Variants in KAT6B observed in about 807,000 individuals in gnomAD.
KAT6B encodes histone acetyltransferase KAT6B.
Under a neutral mutation model 187.5 loss-of-function variants are expected in KAT6B, and 10 were observed. That is an observed-to-expected ratio of 0.05 (90% CI 0.03 to 0.09). The LOEUF (loss-of-function observed/expected upper bound fraction) is 0.09, where lower values mean the gene tolerates loss of function less well. Ranked by LOEUF, KAT6B falls within the 10% of genes least tolerant of loss-of-function variation. The pLI, the probability that KAT6B is intolerant of heterozygous loss-of-function variation, is 1.00. For synonymous variants in KAT6B, 861 were observed against 926.8 expected (o/e 0.93, Z 1.29); for missense variants, 1,952 against 2,558.9 (o/e 0.76, Z 5.12).
chr10:74,857,464 T>C (rs571550950), intron 3 of KAT6B, among the ~76,000 whole-genome samples: 2 of 152,300 alleles, frequency 1.3e-5, no homozygotes, highest in Non-Finnish European at 2.9e-5. Flanking sequence ...TTTTCAGCTT[T>C]TAAAGGATGC....
intron 3 of KAT6B, among the ~76,000 whole-genome samples, chr10:74,924,999 AG>A (rs1211886400): frequency 6.6e-6 from 1 of 152,138 alleles, no homozygotes; most frequent in Non-Finnish European, 1.5e-5. Context: ...GGGGTGGTAG[AG>A]GAGACCTTTT....
intron 3 of KAT6B, among the ~76,000 whole-genome samples, chr10:74,917,564 G>A (rs1256265112): frequency 2.0e-5 from 3 of 152,186 alleles, no homozygotes; most frequent in Non-Finnish European, 4.4e-5. Context: ...AGGGAAGGGA[G>A]ATAAATGAAT....
chr10:74,913,882 A>G (rs892480387), intron 3 of KAT6B, among the ~76,000 whole-genome samples: 2 of 152,160 alleles, frequency 1.3e-5, no homozygotes, highest in African/African-American at 4.8e-5. Flanking sequence ...TTTCAAGCCT[A>G]GCATGAGCCT....
chr10:75,030,396 C>T lies in KAT6B; in HGVS notation c.5572C>T (p.Leu1858Phe). Residue 1858 changes from leucine (L) to phenylalanine (F), a missense_variant, in exon 18 of 18, where the codon CTT becomes TTT. By Grantham distance (22) the Leu-to-Phe change is conservative (BLOSUM62 0). This residue lies in a region of KAT6B where 358 missense variants were observed against 436.3 expected (regional missense o/e 0.82). Transcript: ENST00000287239. This position sits in a 1 kb window ranked among gnomAD's most constrained non-coding sequence, Gnocchi z 4.8. ...GTCCACACCATTAAGTAACACAGGGCTTGTTCAACTTTCTCAGTCTCCACA... is the reference window on the plus strand; with the variant it reads ...GTCCACACCATTAAGTAACACAGGGTTTGTTCAACTTTCTCAGTCTCCACA... ...SLSTPLSNTG[L>F]VQLSQSPHSV... 6.2e-7 allele frequency: 1 copy of T among 1,614,256 alleles called. No homozygotes were observed. Among genetic ancestry groups the T allele is most frequent in the Admixed American group, 1.7e-5 (1 of 60,032 alleles).
At chr10:74,880,439 C>T (rs1221291488) in intron 3 of KAT6B, among the ~76,000 whole-genome samples, 1 of 152,132 alleles carries the variant, frequency 6.6e-6, no homozygotes, top group East Asian at 1.9e-4. Context: ...AATAATAGTT[C>T]TTTGTATGGA....
chr10:74,864,699 C>G (rs1843433327), intron 3 of KAT6B, among the ~76,000 whole-genome samples: 1 of 152,124 alleles, frequency 6.6e-6, no homozygotes, highest in East Asian at 1.9e-4. Context: ...GGGCACCACC[C>G]CAACCCTCGA....
chr10:74,921,995 T>C (rs1848172034), intron 3 of KAT6B, among the ~76,000 whole-genome samples: 1 of 152,052 alleles, frequency 6.6e-6, no homozygotes, highest in South Asian at 2.1e-4. Context: ...CAGCAGGGGG[T>C]GGAGATAAGA....
intron 3 of KAT6B, among the ~76,000 whole-genome samples, chr10:74,846,434 T>C (rs1306362701): frequency 1.3e-5 from 2 of 152,134 alleles, no homozygotes; most frequent in Non-Finnish European, 2.9e-5. Flanking sequence ...ATATATATTT[T>C]TGTTTTGTTT....
chr10:74,834,170 G>A (rs1841090635), intron 1 of KAT6B, among the ~76,000 whole-genome samples: 1 of 151,780 alleles, frequency 6.6e-6, no homozygotes, highest in African/African-American at 2.4e-5. Context: ...ACACACCACA[G>A]CTTGGCTTTT....
intron 13 of KAT6B, among the ~76,000 whole-genome samples, chr10:74,990,278 T>C (rs1843057591): frequency 6.7e-6 from 1 of 149,996 alleles, no homozygotes; most frequent in Admixed American, 6.6e-5. Context: ...TTGCAGTTTA[T>C]CTGATTATTA....
At chr10:74,974,718 G>A (rs1842049680) in intron 7 of KAT6B, among the ~76,000 whole-genome samples, 1 of 152,188 alleles carries the variant, frequency 6.6e-6, no homozygotes, top group African/African-American at 2.4e-5. Context: ...CTGACCCGCT[G>A]TAGCTTTTCT....
At chr10:74,853,191 T>G (rs1220430678) in intron 3 of KAT6B, among the ~76,000 whole-genome samples, 1 of 149,022 alleles carries the variant, frequency 6.7e-6, no homozygotes, top group Non-Finnish European at 1.5e-5. Flanking sequence ...CATGGCTCAC[T>G]GCAGCCTCGA....
intron 3 of KAT6B, among the ~76,000 whole-genome samples, chr10:74,849,823 TAAGTGATTTGCCCAA>T (rs1264109198): frequency 6.6e-6 from 1 of 152,188 alleles, no homozygotes; most frequent in Non-Finnish European, 1.5e-5. Context: ...GCTGAAAGCT[TAAGTGATTTGCCCAA>T]GGTCACTGAT....
chr10:74,844,418 C>T (rs1338296121), intron 3 of KAT6B, among the ~76,000 whole-genome samples: 5 of 152,216 alleles, frequency 3.3e-5, no homozygotes, highest in Admixed American at 2.0e-4. Context: ...GGGCTAGTCT[C>T]GAACTCCTGA....
At chr10:74,846,448 TG>T (rs1302921206) in intron 3 of KAT6B, among the ~76,000 whole-genome samples, 3 of 152,158 alleles carry the variant, frequency 2.0e-5, no homozygotes, top group African/African-American at 7.2e-5. Flanking sequence ...TTTGTTTTTT[TG>T]TTTTTTTTGA....
chr10:75,028,118 A>G (rs182811053), intron 17 of KAT6B, among the ~76,000 whole-genome samples: 11 of 152,336 alleles, frequency 7.2e-5, no homozygotes, highest in African/African-American at 2.6e-4. Flanking sequence ...ATTTGTATAT[A>G]AGCTAGCATT....
In KAT6B at chr10:74,871,990, T is replaced by C. The variant is rs1844022863; in HGVS notation, c.621+28512T>C. The stretch of plus-strand genomic sequence containing the variant: ...TTCAAGAAAGACAGTGAGCAGCAGG[T>C]CCTTTAAAAATCAAAGGAAAACAGG... On this transcript the variant is annotated intron_variant, in intron 3 of 17. Transcript: ENST00000287239. Among the ~76,000 whole-genome samples, 4 of 152,182 alleles carry C rather than the reference T, an allele frequency of 2.6e-5. No individual in the cohort carries two copies. The South Asian group carries it at 6.2e-4, about 24-fold the overall frequency.
At chr10:74,883,722 T>C (rs1442384803) in intron 3 of KAT6B, among the ~76,000 whole-genome samples, 1 of 152,226 alleles carries the variant, frequency 6.6e-6, no homozygotes, top group Non-Finnish European at 1.5e-5. Context: ...TATGAATGTA[T>C]AGAATTGAGA....
intron 16 of KAT6B, among the ~76,000 whole-genome samples, chr10:75,022,544 C>G (rs1845516975): frequency 6.6e-6 from 1 of 152,174 alleles, no homozygotes; most frequent in Non-Finnish European, 1.5e-5. Context: ...CCAGAAAGCA[C>G]TTAAACCACC....
Sources: gnomAD v4.1 joint callset for allele counts (sites outside exome capture counted in the v4.1 genomes callset) on GRCh38, gnomAD v4.1.1 for gene constraint, gnomAD v4.1.1 regional missense constraint, Gnocchi (gnomAD v3.1) non-coding constraint, MANE v1.5 for transcripts, NCBI Gene and HGNC (gene_info 2026-07-23, HGNC 2026-07-21) for gene names.